TMPRSS11F: variants seen among roughly 807,000 people sequenced by gnomAD.
TMPRSS11F encodes the protein transmembrane protease serine 11F.
TMPRSS11F carries 47 observed loss-of-function variants against 60.2 expected under a neutral mutation model. That is an observed-to-expected ratio of 0.78 (90% CI 0.62 to 1.00). The LOEUF (loss-of-function observed/expected upper bound fraction) is 1.00. Ranked by LOEUF, TMPRSS11F falls within the 50% of genes least tolerant of loss-of-function variation. TMPRSS11F has a pLI of 0.00. For missense variants in TMPRSS11F, 519 were observed against 522.9 expected (o/e 0.99, Z 0.07); for synonymous variants, 166 against 167.3 (o/e 0.99, Z 0.06).
chr4:68,090,738 G>C (rs971132684), intron 2 of TMPRSS11F, 97 bp from the exon 3 acceptor site: 2 of 1,487,198 alleles, frequency 1.3e-6, no homozygotes, highest in African/African-American at 2.9e-5. Flanking sequence ...CTACAATAAT[G>C]CAGTTTATTT....
chr4:68,089,347 G>C (rs1723880034), intron 3 of TMPRSS11F, among the ~76,000 whole-genome samples: 1 of 152,128 alleles, frequency 6.6e-6, no homozygotes, highest in Non-Finnish European at 1.5e-5. Context: ...TCTCACAAAA[G>C]GGTGCAGTCC....
intron 3 of TMPRSS11F, among the ~76,000 whole-genome samples, chr4:68,083,043 T>C (rs560392912): frequency 3.3e-5 from 5 of 152,258 alleles, no homozygotes; most frequent in African/African-American, 9.6e-5. Context: ...AGCTATCTGA[T>C]GGGCAAAAAA....
chr4:68,082,551 C>A (rs1723719682), intron 3 of TMPRSS11F, among the ~76,000 whole-genome samples: 1 of 152,236 alleles, frequency 6.6e-6, no homozygotes, highest in Non-Finnish European at 1.5e-5. Context: ...GCTGCTCCCA[C>A]AAGAACATGC....
At chr4:68,121,041 G>A (rs1388764253) in intron 1 of TMPRSS11F, among the ~76,000 whole-genome samples, 2 of 152,122 alleles carry the variant, frequency 1.3e-5, no homozygotes, top group East Asian at 1.9e-4. Flanking sequence ...CAGTGGTCTG[G>A]AATAGAACCT....
At chr4:68,110,380 T>C (rs1577933353) in intron 1 of TMPRSS11F, among the ~76,000 whole-genome samples, 1 of 152,188 alleles carries the variant, frequency 6.6e-6, no homozygotes, top group Admixed American at 6.5e-5. Flanking sequence ...CTCCCCAGTG[T>C]TTAGCCATGG....
chr4:68,054,174 G>A, intron 9 of TMPRSS11F, 107 bp from the exon 10 acceptor site: 2 of 949,648 alleles, frequency 2.1e-6, no homozygotes, highest in Non-Finnish European at 3.1e-6. Context: ...ACAGACCACA[G>A]CCAGACTACA....
At chr4:68,092,854 A>G (rs1358918866) in intron 2 of TMPRSS11F, among the ~76,000 whole-genome samples, 2 of 152,086 alleles carry the variant, frequency 1.3e-5, no homozygotes, top group African/African-American at 4.8e-5. Context: ...TCGTAGAAGT[A>G]AAAGTGATTT....
In TMPRSS11F at chr4:68,090,539, T is replaced by C; in HGVS notation, c.266A>G (p.His89Arg). 2 of 1,590,988 alleles carry C rather than the reference T, an allele frequency of 1.3e-6. No individual in the cohort carries two copies. Among genetic ancestry groups the C allele is most frequent in the Non-Finnish European group, 1.7e-6 (2 of 1,170,060 alleles). Reference protein sequence around the residue: ...RSSREFIERSHQIERMMSRIF... With the variant: ...RSSREFIERSRQIERMMSRIF... ...TGAGCTTACCATTCTTTCAATCTGA[T>C]GACTCCTTTCTATAAACTCTCTTGA... is the stretch of plus-strand genomic sequence containing the variant. The change falls in exon 3 of 10, where the codon CAT (histidine) becomes CGT (arginine). Residue 89 changes from histidine (H) to arginine (R), a missense_variant. His to Arg is a conservative substitution (Grantham distance 29, BLOSUM62 0). Transcript: ENST00000356291.
In TMPRSS11F at chr4:68,076,203, T is replaced by A. The variant is rs112598777; in HGVS notation, c.283-2194A>T. ...GTTGAGAGTAAAACCACTGTCCAAA[T>A]AACAAGGTCGCCTTCCATGCTTAAT... On this transcript the variant is annotated intron_variant, in intron 3 of 9. Transcript: ENST00000356291. 3.4e-3 allele frequency among the ~76,000 whole-genome samples: 516 copies of A among 152,246 alleles called. 6 individuals carry two copies. Among genetic ancestry groups the A allele is most frequent in the African/African-American group, 0.012 (501 of 41,548 alleles).
chr4:68,098,322 T>C (rs1238986309), intron 2 of TMPRSS11F, among the ~76,000 whole-genome samples: 1 of 151,764 alleles, frequency 6.6e-6, no homozygotes, highest in African/African-American at 2.4e-5. Flanking sequence ...AAGAGGAAAA[T>C]ACAGAAACCA....
intron 8 of TMPRSS11F, chr4:68,062,113 A>G (rs998689393): frequency 1.3e-5 from 6 of 450,032 alleles, no homozygotes; most frequent in Non-Finnish European, 2.2e-5. Flanking sequence ...ATTAAAGAAC[A>G]TTACAAACAC....
At chr4:68,061,361 T>A (rs548907176) in intron 8 of TMPRSS11F, among the ~76,000 whole-genome samples, 2 of 152,162 alleles carry the variant, frequency 1.3e-5, no homozygotes, top group Non-Finnish European at 2.9e-5. Flanking sequence ...CAAGATAACA[T>A]CATGTTGAAG....
intron 1 of TMPRSS11F, among the ~76,000 whole-genome samples, chr4:68,102,489 T>C (rs1309719645): frequency 6.6e-6 from 1 of 152,220 alleles, no homozygotes; most frequent in Non-Finnish European, 1.5e-5. Context: ...TTGTTACCTT[T>C]TGACTTTTTG....
intron 1 of TMPRSS11F, among the ~76,000 whole-genome samples, chr4:68,119,633 CA>C (rs1724585034): frequency 6.6e-6 from 1 of 152,152 alleles, no homozygotes; most frequent in Admixed American, 6.5e-5. Context: ...CTGTTTACAG[CA>C]TGGTTTACCA....
rs1029925822 is a variant in TMPRSS11F, at chr4:68,090,452, T to C, written c.282+71A>G. 2.0e-6 allele frequency: 3 copies of C among 1,491,812 alleles called. No homozygotes were observed. The Admixed American group carries it at 7.1e-5, about 35-fold the overall frequency. The allele number at this position is 1,491,812 out of a possible 1,614,324, so 92.4% of individuals were successfully genotyped here. A position where few individuals can be genotyped will look rare whatever the true frequency, so the allele number is the denominator to read the frequency against. On this transcript the variant is annotated intron_variant, in intron 3 of 9. Transcript: ENST00000356291. ...AAAGAAGAAATTGAGACTAAGTTCCTATATAACACCCACATTCAAAGTGAT... is the reference window on the plus strand; with the variant it reads ...AAAGAAGAAATTGAGACTAAGTTCCCATATAACACCCACATTCAAAGTGAT...
intron 1 of TMPRSS11F, among the ~76,000 whole-genome samples, chr4:68,124,826 G>C (rs1235901980): frequency 1.3e-5 from 2 of 151,618 alleles, no homozygotes; most frequent in Non-Finnish European, 2.9e-5. Flanking sequence ...TTCGCACTGA[G>C]TTGTTTTGTT....
intron 1 of TMPRSS11F, among the ~76,000 whole-genome samples, chr4:68,106,388 C>A (rs1190384930): frequency 6.6e-6 from 1 of 152,068 alleles, no homozygotes; most frequent in East Asian, 1.9e-4. Context: ...AATGATAGAG[C>A]CATCTAAGTC....
At chr4:68,101,354 G>A (rs1299777397) in intron 1 of TMPRSS11F, among the ~76,000 whole-genome samples, 4 of 151,992 alleles carry the variant, frequency 2.6e-5, no homozygotes, top group East Asian at 1.9e-4. Flanking sequence ...CCCTAATTGT[G>A]GAAAAAAGGT....
intron 1 of TMPRSS11F, among the ~76,000 whole-genome samples, chr4:68,116,760 T>C (rs1407739643): frequency 6.6e-6 from 1 of 152,160 alleles, no homozygotes. Context: ...GTGTCCTCAA[T>C]AAAGAGTATT....
Sources: gnomAD v4.1 joint callset for allele counts (sites outside exome capture counted in the v4.1 genomes callset) on GRCh38, gnomAD v4.1.1 for gene constraint, MANE v1.5 for transcripts, NCBI Gene and HGNC (gene_info 2026-07-23, HGNC 2026-07-21) for gene names.